Variants in BLK observed in about 807,000 individuals in gnomAD.
BLK encodes the protein tyrosine-protein kinase Blk.
Under a neutral mutation model 61.8 loss-of-function variants are expected in BLK, and 64 were observed. The observed-to-expected ratio is 1.03, with a 90% CI of 0.85 to 1.27. The LOEUF is 1.27. Ranked by LOEUF, BLK falls within the 50% of genes most tolerant of loss-of-function variation. The pLI is 0.00. For missense variants in BLK, 853 were observed against 660.5 expected, an observed-to-expected ratio of 1.29 and a Z score of -3.19; for synonymous variants, 351 against 272.0, an observed-to-expected ratio of 1.29 and a Z score of -2.86.
chr8:11,538,719 T>C (rs555787128), intron 1 of BLK, among the ~76,000 whole-genome samples: 8 of 152,112 alleles, frequency 5.3e-5, no homozygotes, highest in Non-Finnish European at 1.0e-4. Flanking sequence ...GGGAATATAC[T>C]AGGAGCTGCT....
intron 1 of BLK, among the ~76,000 whole-genome samples, chr8:11,529,154 T>TA (rs1799789992): frequency 6.6e-6 from 1 of 152,166 alleles, no homozygotes; most frequent in Admixed American, 6.5e-5. Context: ...AGTGAAAGTG[T>TA]AAATCGCCCA....
chr8:11,558,286 G>A (rs1164532600), intron 10 of BLK, among the ~76,000 whole-genome samples: 1 of 152,232 alleles, frequency 6.6e-6, no homozygotes, highest in East Asian at 1.9e-4. Context: ...GACCCGGGCT[G>A]CTGTGTTGGA....
chr8:11,545,614 C>T (rs1800598158), intron 2 of BLK: 2 of 242,694 alleles, frequency 8.2e-6, no homozygotes, highest in Admixed American at 4.8e-5. Context: ...CCCTTGTACA[C>T]TCTTGTACAC....
intron 1 of BLK, among the ~76,000 whole-genome samples, chr8:11,526,599 G>A (rs376488908): frequency 1.5e-4 from 23 of 152,248 alleles, no homozygotes; most frequent in Middle Eastern, 6.8e-3. Flanking sequence ...CATGCCTGTC[G>A]TCCCAGCTAC....
intron 1 of BLK, among the ~76,000 whole-genome samples, chr8:11,521,638 G>A (rs1563436634): frequency 6.6e-6 from 1 of 152,198 alleles, no homozygotes; most frequent in Non-Finnish European, 1.5e-5. Context: ...AAGAATGGTT[G>A]AGCAGTAAGG....
chr8:11,555,420 C>CT lies in BLK; in HGVS notation c.708_709insT (p.Pro237SerfsTer33), dbSNP rs776575167. On this transcript the variant is annotated frameshift_variant, in exon 8 of 13. Transcript: ENST00000259089. LOFTEE classifies it high-confidence loss of function. ...CCTGGGCCCAGGATGAATGGGAGAT[C>CT]CCCCGGCAGTCTCTCAGGCTGGTCA... 4.3e-6 allele frequency: 7 copies of CT among 1,614,172 alleles called. No homozygotes were observed. The highest frequency in any genetic ancestry group is 5.9e-6 in the Non-Finnish European group (7 of 1,180,030).
At chr8:11,556,591 G>A (rs1801235774) in intron 8 of BLK, 67 bp from the exon 9 acceptor site, 10 of 1,601,596 alleles carry the variant, frequency 6.2e-6, no homozygotes, top group Admixed American at 3.3e-5. Flanking sequence ...CCCCGATTTT[G>A]GTTAAGGGAT....
chr8:11,500,006 A>G (rs956755182), intron 1 of BLK, among the ~76,000 whole-genome samples: 1 of 152,200 alleles, frequency 6.6e-6, no homozygotes, highest in Non-Finnish European at 1.5e-5. Flanking sequence ...GCAGGACAGC[A>G]TTTCTGAAAG....
intron 1 of BLK, among the ~76,000 whole-genome samples, chr8:11,512,777 T>C (rs1799068533): frequency 6.6e-6 from 1 of 152,140 alleles, no homozygotes; most frequent in Admixed American, 6.5e-5. Flanking sequence ...GATTCTGCTG[T>C]CTCAGCCTCT....
intron 1 of BLK, among the ~76,000 whole-genome samples, chr8:11,527,981 G>A (rs1198492047): frequency 2.0e-5 from 3 of 152,078 alleles, no homozygotes; most frequent in African/African-American, 7.2e-5. Context: ...AGTCTTACAA[G>A]GGTGATTTTT....
Position 11,564,346 on chromosome 8 carries a change from A to T in BLK, c.*238A>T. 1.4e-6 allele frequency: 1 copy of T among 698,650 alleles called. No homozygotes were observed. The highest frequency in any genetic ancestry group is 1.5e-5 in the South Asian group (1 of 66,726). The allele number at this position is 698,650 out of a possible 1,614,324, so 43.3% of individuals were successfully genotyped here. A position where few individuals can be genotyped will look rare whatever the true frequency, so the allele number is the denominator to read the frequency against. ...TCATTTGTAGAGGGCTGTAACAGTG[A>T]CCTCGCACGGTCATCCGGAGTACTA... On this transcript the variant is annotated 3_prime_UTR_variant, in exon 13 of 13. Coordinates refer to ENST00000259089, the MANE Select transcript of BLK (RefSeq NM_001715.3).
Position 11,554,770 on chromosome 8 carries a change from T to C in BLK, c.500T>C (p.Val167Ala), listed in dbSNP as rs1284699066. Residue 167 changes from valine (V) to alanine (A), a missense_variant, in exon 7 of 13, where the codon GTC (valine) becomes GCC (alanine). Physicochemically the swap from Val to Ala is moderately conservative, Grantham distance 64. Coordinates refer to ENST00000259089, the MANE Select transcript of BLK (RefSeq NM_001715.3). ...GCCTTCTCCCTGTCTGTGAAGGATG[T>C]CACCACCCAGGGGGAGCTGATCAAG... is the stretch of plus-strand genomic sequence containing the variant. The part of the protein sequence containing the change: ...KGAFSLSVKD[V>A]TTQGELIKHY... 2 of 1,613,958 alleles carry C rather than the reference T, an allele frequency of 1.2e-6. No homozygotes were observed. Among genetic ancestry groups the C allele is most frequent in the Non-Finnish European group, 1.7e-6 (2 of 1,180,020 alleles).
At chr8:11,508,151 C>A (rs1261997988) in intron 1 of BLK, among the ~76,000 whole-genome samples, 1 of 152,214 alleles carries the variant, frequency 6.6e-6, no homozygotes, top group Non-Finnish European at 1.5e-5. Flanking sequence ...CTGTTTGACC[C>A]CAAAGCCAGT....
intron 2 of BLK, among the ~76,000 whole-genome samples, chr8:11,544,791 A>C (rs560394555): frequency 2.6e-5 from 4 of 152,290 alleles, no homozygotes; most frequent in African/African-American, 9.6e-5. Context: ...GCAAAATGCT[A>C]CTTCAAAATT....
At chr8:11,506,368 G>T (rs970838013) in intron 1 of BLK, among the ~76,000 whole-genome samples, 14 of 152,112 alleles carry the variant, frequency 9.2e-5, no homozygotes, top group Non-Finnish European at 1.5e-4. Flanking sequence ...GAAAACAACA[G>T]AATGTGCTGA....
chr8:11,540,686 G>T (rs1264030712), intron 1 of BLK, among the ~76,000 whole-genome samples: 1 of 152,002 alleles, frequency 6.6e-6, no homozygotes, highest in Non-Finnish European at 1.5e-5. Flanking sequence ...CATCAAAATG[G>T]CACAAAGAGG....
chr8:11,541,726 G>C (rs973170163), intron 1 of BLK, among the ~76,000 whole-genome samples: 2 of 152,090 alleles, frequency 1.3e-5, no homozygotes, highest in African/African-American at 4.8e-5. Flanking sequence ...TCGAACTCCT[G>C]ACCTCAAGGG....
intron 9 of BLK, among the ~76,000 whole-genome samples, chr8:11,557,620 G>A (rs75850395): frequency 2.0e-5 from 3 of 152,128 alleles, no homozygotes; most frequent in South Asian, 2.1e-4. Context: ...AGGCCAACAC[G>A]GGGGGAAAGA....
At chr8:11,520,758 G>T (rs1476384095) in intron 1 of BLK, among the ~76,000 whole-genome samples, 1 of 152,180 alleles carries the variant, frequency 6.6e-6, no homozygotes, top group South Asian at 2.1e-4. Context: ...TCGAAAAAAG[G>T]CATAACAGAT....
Sources: allele counts gnomAD v4.1 joint callset (sites outside exome capture counted in the v4.1 genomes callset), GRCh38; gene constraint gnomAD v4.1.1; transcripts MANE v1.5; gene names NCBI Gene and HGNC (gene_info 2026-07-23, HGNC 2026-07-21).